The following JARID2 variants were observed in gnomAD, a reference collection of about 807,000 sequenced individuals.
JARID2 encodes jumonji and AT-rich interaction domain containing 2, also known as protein Jumonji.
A neutral mutation model predicts 125.6 loss-of-function variants in JARID2; 21 were observed. The observed-to-expected ratio is 0.17, with a 90% CI of 0.12 to 0.24. The LOEUF (loss-of-function observed/expected upper bound fraction) is 0.24, where lower values mean the gene tolerates loss of function less well. Ranked by LOEUF, JARID2 falls within the 10% of genes least tolerant of loss-of-function variation. JARID2 has a pLI of 1.00. For missense variants in JARID2, 1,303 were observed against 1,639.6 expected (o/e 0.79, Z 3.55); for synonymous variants, 736 against 661.6 (o/e 1.11, Z -1.73).
At chr6:15,384,641 G>T (rs1237365684) in intron 2 of JARID2, among the ~76,000 whole-genome samples, 1 of 152,058 alleles carries the variant, frequency 6.6e-6, no homozygotes. Context: ...CTAGGCTGGA[G>T]TGCAGTGGGG....
At chr6:15,350,512 G>A (rs184155274) in intron 1 of JARID2, among the ~76,000 whole-genome samples, 147 of 152,252 alleles carry the variant, frequency 9.7e-4, no homozygotes, top group Non-Finnish European at 1.8e-3. Context: ...ATTCCAAGAT[G>A]TGCTCGGTAT....
chr6:15,363,210 G>C (rs529215113), intron 1 of JARID2, among the ~76,000 whole-genome samples: 1 of 152,312 alleles, frequency 6.6e-6, no homozygotes, highest in South Asian at 2.1e-4. Flanking sequence ...AGTGAGAACA[G>C]TTTTCCTGGA....
At chr6:15,428,926 ACAAAC>A (rs1766846900) in intron 3 of JARID2, among the ~76,000 whole-genome samples, 2 of 132,508 alleles carry the variant, frequency 1.5e-5, no homozygotes, top group Admixed American at 7.7e-5. Flanking sequence ...CAAAAAAAAA[ACAAAC>A]CCCCCCCCCA....
chr6:15,484,335 G>A (rs754027843), intron 5 of JARID2, among the ~76,000 whole-genome samples: 39 of 152,238 alleles, frequency 2.6e-4, no homozygotes, highest in Non-Finnish European at 4.1e-4. Context: ...GCATGAGTAG[G>A]AGACGTAACA....
At chr6:15,377,974 C>T (rs773020327) in intron 2 of JARID2, among the ~76,000 whole-genome samples, 3 of 151,486 alleles carry the variant, frequency 2.0e-5, no homozygotes, top group East Asian at 2.0e-4. Flanking sequence ...CAGCCTCTGC[C>T]TCCGGGTTCA....
intron 5 of JARID2, among the ~76,000 whole-genome samples, chr6:15,482,856 C>CTTTGA (rs1769688973): frequency 6.6e-6 from 1 of 152,158 alleles, no homozygotes. Context: ...ACCTTTAACC[C>CTTTGA]ATGCACTGTT....
chr6:15,286,497 G>A (rs1481078444), intron 1 of JARID2, among the ~76,000 whole-genome samples: 3 of 151,492 alleles, frequency 2.0e-5, no homozygotes, highest in Non-Finnish European at 4.4e-5. Flanking sequence ...TGATCCACCC[G>A]CCTTGGCCTC....
intron 1 of JARID2, among the ~76,000 whole-genome samples, chr6:15,266,932 T>C (rs2127344092): frequency 6.6e-6 from 1 of 152,370 alleles, no homozygotes; most frequent in East Asian, 1.9e-4. Context: ...GTTTAAATTC[T>C]CAGTGTTCTC....
chr6:15,449,723 AT>A (rs932839666), intron 3 of JARID2, among the ~76,000 whole-genome samples: 20 of 151,886 alleles, frequency 1.3e-4, no homozygotes, highest in African/African-American at 4.4e-4. Flanking sequence ...TTGTTTGTAG[AT>A]TTTTTTTAAG....
intron 2 of JARID2, among the ~76,000 whole-genome samples, chr6:15,409,209 CTT>C (rs755438924): frequency 3.8e-4 from 58 of 152,212 alleles, no homozygotes; most frequent in Admixed American, 9.8e-4. Context: ...GTCACAAAGA[CTT>C]AATACAGAGA....
At chr6:15,340,111 C>T (rs1443296106) in intron 1 of JARID2, among the ~76,000 whole-genome samples, 1 of 152,108 alleles carries the variant, frequency 6.6e-6, no homozygotes, top group Non-Finnish European at 1.5e-5. Context: ...AGGTGCATGC[C>T]ACCATGCCCG....
At chr6:15,400,652 C>T (rs970295733) in intron 2 of JARID2, among the ~76,000 whole-genome samples, 2 of 120,356 alleles carry the variant, frequency 1.7e-5, no homozygotes, top group Non-Finnish European at 3.5e-5. Context: ...GACTCTTTTC[C>T]TTTTTCTCAT....
intron 3 of JARID2, among the ~76,000 whole-genome samples, chr6:15,444,696 A>G (rs939220647): frequency 6.8e-6 from 1 of 148,050 alleles, no homozygotes; most frequent in Admixed American, 6.7e-5. Context: ...GAGCGCAGCC[A>G]TGCCGGTCAT....
intron 3 of JARID2, among the ~76,000 whole-genome samples, chr6:15,441,283 G>A (rs1453460208): frequency 6.6e-6 from 1 of 152,192 alleles, no homozygotes; most frequent in Non-Finnish European, 1.5e-5. Context: ...TACTAATAGC[G>A]TTGATAGACC....
Position 15,413,010 on chromosome 6 carries a change from TTTTTTTTTTTTTG to T in JARID2, c.323+2658_323+2670del, listed in dbSNP as rs1293863603. ...ACATGGGAAGAGCTTGTGTTTTTGTTTTTTTTTTTTTTGTTTTTTTTTTTTTGAGACTGAGTTT... is the reference window on the plus strand; with the variant it reads ...ACATGGGAAGAGCTTGTGTTTTTGTTTTTTTTTTTTTTTGAGACTGAGTTT... On this transcript the variant is annotated intron_variant, in intron 3 of 17. Transcript: ENST00000341776. Among the ~76,000 whole-genome samples the T allele has an allele frequency of 2.4e-3, 201 of 84,400 alleles. 12 individuals are homozygous for T. The East Asian group carries it at 0.036, about 15-fold the overall frequency. 55.4% of individuals were successfully genotyped at this position (84,400 alleles called of 152,430 possible).
chr6:15,327,226 T>C (rs1729353184), intron 1 of JARID2, among the ~76,000 whole-genome samples: 2 of 152,306 alleles, frequency 1.3e-5, no homozygotes, highest in South Asian at 4.1e-4. Context: ...CAAATAAAAA[T>C]GGTAACTTCT....
At chr6:15,503,141 C>T (rs1394972490) in intron 8 of JARID2, among the ~76,000 whole-genome samples, 3 of 152,264 alleles carry the variant, frequency 2.0e-5, no homozygotes, top group Admixed American at 6.5e-5. Context: ...ATGGCGAAGC[C>T]CCCAGCAGCC....
In JARID2 at chr6:15,496,821, C is replaced by T. The variant is rs569790839; in HGVS notation, c.1596C>T (p.Ser532=). 14 of 1,602,740 alleles carry T rather than the reference C, an allele frequency of 8.7e-6. No individual in the cohort carries two copies. Among genetic ancestry groups the T allele is most frequent in the Admixed American group, 3.4e-5 (2 of 59,364 alleles). Residue 532 remains serine, a synonymous_variant, in exon 7 of 18, where the codon TCC becomes TCT. Transcript: ENST00000341776. ...ATCGTTCTACCTCGCAACCGGAGTC[C>T]GTGCACAAGCCGCAGGACTCGGGCA... The part of the protein sequence containing the change: ...CENRSTSQPE[S]VHKPQDSGKA...
chr6:15,482,785 A>G (rs1243646722), intron 5 of JARID2, among the ~76,000 whole-genome samples: 1 of 152,232 alleles, frequency 6.6e-6, no homozygotes, highest in African/African-American at 2.4e-5. Context: ...CTGTACCTGT[A>G]TCAGTGAACT....
Sources: allele counts gnomAD v4.1 joint callset (sites outside exome capture counted in the v4.1 genomes callset), GRCh38; gene constraint gnomAD v4.1.1; transcripts MANE v1.5; gene names NCBI Gene and HGNC (gene_info 2026-07-23, HGNC 2026-07-21).